The following GRID2 variants were observed in gnomAD, a reference collection of about 807,000 sequenced individuals.
The protein encoded by GRID2 is glutamate ionotropic receptor delta type subunit 2.
In GRID2, 33 loss-of-function variants were observed where a neutral mutation model predicts 114.8. That is an observed-to-expected ratio of 0.29 (90% confidence interval 0.22 to 0.38). GRID2 has a LOEUF of 0.38. Among genes scored for constraint, GRID2 ranks in the 10% least tolerant of loss-of-function variants. The pLI is 1.00. For missense variants in GRID2, 1,184 were observed against 1,257.7 expected, an observed-to-expected ratio of 0.94 and a Z score of 0.89; for synonymous variants, 505 against 449.9, an observed-to-expected ratio of 1.12 and a Z score of -1.55.
At chr4:93,777,051 C>T (rs570287148), downstream of GRID2, among the ~76,000 whole-genome samples, 1 of 152,158 alleles carries the variant, frequency 6.6e-6, no homozygotes, top group Non-Finnish European at 1.5e-5. Context: ...TCATCTAAGA[C>T]ACAGGATGCA....
chr4:92,338,552 A>G (rs1427104490), intron 1 of GRID2, among the ~76,000 whole-genome samples: 3 of 152,222 alleles, frequency 2.0e-5, no homozygotes, highest in African/African-American at 4.8e-5. Flanking sequence ...ACATACACAC[A>G]TATTTGCATA....
chr4:92,790,994 C>T (rs1441311921), intron 2 of GRID2, among the ~76,000 whole-genome samples: 1 of 151,610 alleles, frequency 6.6e-6, no homozygotes, highest in African/African-American at 2.4e-5. Flanking sequence ...ATTTGTACAA[C>T]AGAAGAAATA....
At chr4:93,119,600 A>G (rs992124580) in intron 4 of GRID2, among the ~76,000 whole-genome samples, 2 of 152,210 alleles carry the variant, frequency 1.3e-5, no homozygotes, top group African/African-American at 4.8e-5. Context: ...TTTATTTCAC[A>G]GTAAGAAAAG....
chr4:93,740,201 T>C (rs1218695572), intron 14 of GRID2, among the ~76,000 whole-genome samples: 1 of 152,176 alleles, frequency 6.6e-6, no homozygotes, highest in Non-Finnish European at 1.5e-5. Flanking sequence ...CTAGGAGCAA[T>C]AGGCTACACT....
Position 92,862,874 on chromosome 4 carries a change from C to T in GRID2, c.245-222121C>T, listed in dbSNP as rs779001247. Among the ~76,000 whole-genome samples, 84 of 152,002 alleles carry T rather than the reference C, an allele frequency of 5.5e-4. 1 individual carries two copies. Among genetic ancestry groups the T allele is most frequent in the Non-Finnish European group, 3.7e-4 (25 of 67,924 alleles). Reference sequence around the variant, plus strand: ...TGAAAGCTCAGTGCTCTAAATACTGCTTTGGTAGAAAATCATTGACAGCTG... The same window carrying T: ...TGAAAGCTCAGTGCTCTAAATACTGTTTTGGTAGAAAATCATTGACAGCTG... On this transcript the variant is annotated intron_variant, in intron 2 of 15. Transcript: ENST00000282020.
chr4:93,431,430 G>GA (rs948520237), intron 10 of GRID2, among the ~76,000 whole-genome samples: 4 of 151,568 alleles, frequency 2.6e-5, no homozygotes, highest in Non-Finnish European at 4.4e-5. Flanking sequence ...AAGAATTTAT[G>GA]AAAAAAAATA....
At chr4:92,801,035 T>C (rs1262431807) in intron 2 of GRID2, among the ~76,000 whole-genome samples, 1 of 152,024 alleles carries the variant, frequency 6.6e-6, no homozygotes, top group Non-Finnish European at 1.5e-5. Flanking sequence ...AATGCATATA[T>C]AATGTGTCAC....
chr4:92,350,380 G>T (rs536652000), intron 1 of GRID2, among the ~76,000 whole-genome samples: 16 of 151,764 alleles, frequency 1.1e-4, no homozygotes, highest in African/African-American at 3.6e-4. Context: ...ACTTATTTCA[G>T]ATAGATAGTG....
chr4:92,849,123 A>G (rs557865692), intron 2 of GRID2, among the ~76,000 whole-genome samples: 10 of 152,048 alleles, frequency 6.6e-5, no homozygotes, highest in African/African-American at 2.4e-4. Context: ...TCACCATGCC[A>G]TTTACCCCAG....
At chr4:92,718,080 G>A (rs547908775) in intron 2 of GRID2, among the ~76,000 whole-genome samples, 16 of 152,122 alleles carry the variant, frequency 1.1e-4, no homozygotes, top group Non-Finnish European at 2.1e-4. Flanking sequence ...GTTACAGTAT[G>A]CATGGCAGTA....
chr4:92,683,103 T>C (rs1398737476), intron 2 of GRID2, among the ~76,000 whole-genome samples: 1 of 152,040 alleles, frequency 6.6e-6, no homozygotes, highest in Non-Finnish European at 1.5e-5. Flanking sequence ...ATCAAGACCA[T>C]CCTGGCTAAC....
intron 1 of GRID2, among the ~76,000 whole-genome samples, chr4:93,789,527 T>C (rs902077164): frequency 2.6e-5 from 4 of 152,180 alleles, no homozygotes; most frequent in Non-Finnish European, 5.9e-5. Context: ...CAATCCAGCA[T>C]ACAGCACAAA....
At chr4:93,719,023 T>C (rs1279386186) in intron 14 of GRID2, among the ~76,000 whole-genome samples, 1 of 151,884 alleles carries the variant, frequency 6.6e-6, no homozygotes, top group Non-Finnish European at 1.5e-5. Flanking sequence ...TTTGAAAGCT[T>C]TTGGATGATA....
chr4:92,398,090 G>A (rs1156548761), intron 1 of GRID2, among the ~76,000 whole-genome samples: 4 of 152,028 alleles, frequency 2.6e-5, no homozygotes, highest in Non-Finnish European at 2.9e-5. Context: ...CATTTGCAGC[G>A]CTATTTGACA....
intron 2 of GRID2, among the ~76,000 whole-genome samples, chr4:92,807,910 C>T (rs980855553): frequency 6.6e-6 from 1 of 151,950 alleles, no homozygotes; most frequent in Non-Finnish European, 1.5e-5. Context: ...AATGTCTCCC[C>T]AATATGCCCA....
In GRID2 at chr4:92,878,300, C is replaced by T. The variant is rs1232180224; in HGVS notation, c.245-206695C>T. ...TCATCTTTCAAATATCTGCTTCACT[C>T]ATCTGTTCCAACTGATGGTGATAGT... On this transcript the variant is annotated intron_variant, in intron 2 of 15. Coordinates refer to ENST00000282020, the MANE Select transcript of GRID2 (RefSeq NM_001510.4). 2.1e-5 allele frequency among the ~76,000 whole-genome samples: 3 copies of T among 145,114 alleles called. No homozygotes were observed. The East Asian group carries it at 6.8e-4, about 33-fold the overall frequency.
chr4:92,638,454 A>G (rs1414956874), intron 2 of GRID2, among the ~76,000 whole-genome samples: 3 of 147,690 alleles, frequency 2.0e-5, no homozygotes, highest in African/African-American at 4.9e-5. Context: ...AATAATATAT[A>G]AAATACATAT....
chr4:92,386,672 A>G (rs1029116516), intron 1 of GRID2, among the ~76,000 whole-genome samples: 2 of 151,900 alleles, frequency 1.3e-5, no homozygotes, highest in Non-Finnish European at 2.9e-5. Flanking sequence ...TGATAAAGAC[A>G]TCTGTATTGC....
chr4:92,812,361 C>T (rs1305778702), intron 2 of GRID2, among the ~76,000 whole-genome samples: 1 of 151,872 alleles, frequency 6.6e-6, no homozygotes, highest in Non-Finnish European at 1.5e-5. Flanking sequence ...AAGAGTGAAA[C>T]AGATTTAATC....
Sources: allele counts gnomAD v4.1 joint callset (sites outside exome capture counted in the v4.1 genomes callset), GRCh38; gene constraint gnomAD v4.1.1; transcripts MANE v1.5; gene names NCBI Gene and HGNC (gene_info 2026-07-23, HGNC 2026-07-21).